ACTR8: variants seen among roughly 807,000 people sequenced by gnomAD.
The protein encoded by ACTR8 is actin-related protein 8.
In ACTR8, 70 loss-of-function variants were observed where a neutral mutation model predicts 84.3. The ratio of observed to expected loss-of-function variants is 0.83; its 90% confidence interval spans 0.68 to 1.01. ACTR8 has a LOEUF of 1.01. Ranked by LOEUF, ACTR8 falls within the 50% of genes least tolerant of loss-of-function variation. The pLI is 0.00. For synonymous variants in ACTR8, 268 were observed against 275.2 expected (o/e 0.97, Z 0.26); for missense variants, 672 against 775.4 (o/e 0.87, Z 1.58).
Position 53,868,005 on chromosome 3 carries a change from C to T in ACTR8, c.*714G>A, listed in dbSNP as rs897183971. 2.6e-5 allele frequency: 4 copies of T among 152,062 alleles called. No homozygotes were observed. The highest frequency in any genetic ancestry group is 4.4e-5 in the Non-Finnish European group (3 of 67,992). 9.4% of individuals were successfully genotyped at this position (152,062 alleles called of 1,614,324 possible). ...TTTCTATTTGGCTTTAGGAAAAAAA[C>T]AAGATTTCCTTTTCAGCATTTGTTC... On this transcript the variant is annotated 3_prime_UTR_variant, in exon 13 of 13. Coordinates refer to ENST00000335754, the MANE Select transcript of ACTR8 (RefSeq NM_022899.5).
chr3:53,871,644 C>G, intron 10 of ACTR8, 148 bp from the exon 11 acceptor site: 2 of 929,780 alleles, frequency 2.2e-6, no homozygotes, highest in Non-Finnish European at 3.2e-6. Context: ...TCCCAGGTAA[C>G]TTAGGAATGA....
intron 2 of ACTR8, 72 bp downstream of exon 2, chr3:53,879,867 C>A: frequency 7.3e-7 from 1 of 1,370,532 alleles, no homozygotes; most frequent in South Asian, 1.6e-5. Context: ...CTTTAAGATT[C>A]TGGTGTACTT....
chr3:53,869,793 A>C (rs534732621), intron 12 of ACTR8, among the ~76,000 whole-genome samples, 189 bp downstream of exon 12: 32 of 152,308 alleles, frequency 2.1e-4, no homozygotes, highest in African/African-American at 7.7e-4. Context: ...GGAAAGCAGC[A>C]GAAATCCAGT....
chr3:53,860,370 CT>C, the ACTR8 span: 1 of 563,744 alleles, frequency 1.8e-6, no homozygotes, highest in Non-Finnish European at 3.1e-6. Flanking sequence ...TCAAGTGCTC[CT>C]ACAGAGACTG....
rs1699960920 is a variant in ACTR8, at chr3:53,876,066, G to C, written c.793C>G (p.Gln265Glu). 2.5e-6 allele frequency: 4 copies of C among 1,603,338 alleles called. No individual in the cohort carries two copies. The highest frequency in any genetic ancestry group is 3.4e-6 in the Non-Finnish European group (4 of 1,178,358). Reference protein sequence around the residue: ...KMGFSGIVVHQESVCATYGSG... With the variant: ...KMGFSGIVVHEESVCATYGSG... ...CCATAGGTGGCACACACAGACTCCTGATGGACCACAATCCCTGGGGGGGGA... is the reference window on the plus strand; with the variant it reads ...CCATAGGTGGCACACACAGACTCCTCATGGACCACAATCCCTGGGGGGGGA... Residue 265 changes from glutamine (Q) to glutamate (E), a missense_variant, in exon 7 of 13, where the codon CAG (glutamine) becomes GAG (glutamate). Coordinates refer to ENST00000335754, the MANE Select transcript of ACTR8 (RefSeq NM_022899.5).
At chr3:53,881,659 T>C in intron 1 of ACTR8, 2 of 458,932 alleles carry the variant, frequency 4.4e-6, no homozygotes, top group South Asian at 2.1e-5. Flanking sequence ...AGGCGGCTGG[T>C]TATCACCGTG....
intron 1 of ACTR8, 71 bp from the exon 2 acceptor site, chr3:53,880,180 A>G: frequency 2.8e-6 from 4 of 1,450,908 alleles, no homozygotes; most frequent in Non-Finnish European, 3.8e-6. Context: ...CAACATACAC[A>G]TAACAAGCTA....
At chr3:53,872,342 A>G in intron 10 of ACTR8, 42 bp downstream of exon 10, 5 of 1,515,662 alleles carry the variant, frequency 3.3e-6, no homozygotes, top group Non-Finnish European at 4.4e-6. Flanking sequence ...TTTCTCCTTC[A>G]GGGACAAAAC....
rs758841076 is a variant in ACTR8 at position 53,876,685 on chromosome 3, T to C, written c.713A>G (p.Asp238Gly). The C allele has an allele frequency of 6.4e-7, 1 of 1,554,250 alleles. No homozygotes were observed. Residue 238 changes from aspartate to glycine, a missense_variant, in exon 6 of 13, where the codon GAT (aspartate) becomes GGT (glycine). By Grantham distance (94) the Asp-to-Gly change is moderately conservative. Coordinates refer to ENST00000335754, the MANE Select transcript of ACTR8 (RefSeq NM_022899.5). ...KYYRCILLIPDIYNKQHVKEL... is the reference protein window; with the variant it reads ...KYYRCILLIPGIYNKQHVKEL... ...TTTCACATGCTGCTTATTATAGATATCAGGAATTAACAAGATACATCTATA... is the reference window on the plus strand; with the variant it reads ...TTTCACATGCTGCTTATTATAGATACCAGGAATTAACAAGATACATCTATA...
chr3:53,873,312 T>G (rs1271081047), intron 8 of ACTR8, among the ~76,000 whole-genome samples, 185 bp from the exon 9 acceptor site: 1 of 152,258 alleles, frequency 6.6e-6, no homozygotes, highest in African/African-American at 2.4e-5. Context: ...TATTTAACAT[T>G]TCTGGAATTT....
chr3:53,872,551 A>G (rs1476937513), intron 9 of ACTR8, 27 bp from the exon 10 acceptor site: 3 of 1,548,980 alleles, frequency 1.9e-6, no homozygotes, highest in Admixed American at 2.2e-5. Context: ...AGAGTGATCA[A>G]CAAAAGATAC....
intron 8 of ACTR8, among the ~76,000 whole-genome samples, chr3:53,873,965 C>T (rs1461923101): frequency 1.3e-5 from 2 of 152,114 alleles, no homozygotes; most frequent in Non-Finnish European, 2.9e-5. Flanking sequence ...GCTGGGACTA[C>T]AGGTGCCCGC....
At chr3:53,864,902 G>A, downstream of ACTR8, 1 of 1,614,170 alleles carries the variant, frequency 6.2e-7, no homozygotes, top group Non-Finnish European at 8.5e-7. Context: ...CTTGAAAAGT[G>A]GCAGAAAAAG....
chr3:53,872,548 TCAACAAAAGATA>T, intron 9 of ACTR8, 24 bp from the exon 10 acceptor site: 5 of 1,555,252 alleles, frequency 3.2e-6, no homozygotes, highest in Non-Finnish European at 4.3e-6. Flanking sequence ...AAAAGAGTGA[TCAACAAAAGATA>T]CTGCATCCTG....
chr3:53,865,285 C>T (rs1699746632), downstream of ACTR8: 1 of 1,607,144 alleles, frequency 6.2e-7, no homozygotes, highest in Non-Finnish European at 8.5e-7. Flanking sequence ...ACAAGCCTGC[C>T]ACGATGGCTG....
At chr3:53,880,858 T>C (rs1237088679) in intron 1 of ACTR8, among the ~76,000 whole-genome samples, 5 of 152,190 alleles carry the variant, frequency 3.3e-5, no homozygotes, top group African/African-American at 1.2e-4. Context: ...TCACCTCCTT[T>C]GAAGAAACCC....
At chr3:53,874,586 T>C (rs540885150) in intron 7 of ACTR8, among the ~76,000 whole-genome samples, 1 of 152,154 alleles carries the variant, frequency 6.6e-6, no homozygotes, top group Admixed American at 6.5e-5. Flanking sequence ...TAGCCAGGCA[T>C]GGTGGTGCAC....
chr3:53,879,265 C>A (rs1700024468), intron 2 of ACTR8, among the ~76,000 whole-genome samples: 1 of 152,192 alleles, frequency 6.6e-6, no homozygotes, highest in Non-Finnish European at 1.5e-5. Flanking sequence ...AAACTTACAA[C>A]TAGACTTACG....
chr3:53,859,959 G>A, the ACTR8 span: 50 of 511,216 alleles, frequency 9.8e-5, no homozygotes, highest in African/African-American at 4.0e-4. Flanking sequence ...GCAGTGAACC[G>A]AGATTGCGCC....
Sources: gnomAD v4.1 joint callset for allele counts (sites outside exome capture counted in the v4.1 genomes callset) on GRCh38, gnomAD v4.1.1 for gene constraint, MANE v1.5 for transcripts, NCBI Gene and HGNC (gene_info 2026-07-23, HGNC 2026-07-21) for gene names.